Variants in NUMB observed in about 807,000 individuals in gnomAD.
The protein encoded by NUMB is protein numb homolog.
NUMB carries 29 observed loss-of-function variants against 59.7 expected under a neutral mutation model. The observed-to-expected ratio is 0.49, with a 90% CI of 0.36 to 0.66. NUMB has a LOEUF of 0.66. Ranked by LOEUF, NUMB falls within the 30% of genes least tolerant of loss-of-function variation. The probability of loss-of-function intolerance (pLI) is 0.00; values close to 1 mark genes in which losing one functional copy is unlikely to be tolerated. For missense variants in NUMB, 723 were observed against 822.0 expected (o/e 0.88, Z 1.47); for synonymous variants, 288 against 288.2 (o/e 1.00, Z 0.01).
intron 4 of NUMB, among the ~76,000 whole-genome samples, chr14:73,345,011 A>G (rs1892833733): frequency 6.6e-6 from 1 of 152,214 alleles, no homozygotes; most frequent in Non-Finnish European, 1.5e-5. Context: ...TACCCGAGGG[A>G]ATACAAATTG....
intron 1 of NUMB, among the ~76,000 whole-genome samples, chr14:73,452,065 C>A (rs951515515): frequency 1.7e-4 from 25 of 147,902 alleles, no homozygotes; most frequent in East Asian, 7.8e-4. Flanking sequence ...CTCTACCCCC[C>A]AAAAAAAAAA....
intron 1 of NUMB, among the ~76,000 whole-genome samples, chr14:73,419,273 G>A (rs1210176908): frequency 1.3e-5 from 2 of 152,224 alleles, no homozygotes; most frequent in Non-Finnish European, 2.9e-5. Context: ...CACTTTGGGA[G>A]GCCGAGGCGG....
At chr14:73,287,462 T>C in intron 8 of NUMB, 148 bp from the exon 9 acceptor site, 1 of 674,792 alleles carries the variant, frequency 1.5e-6, no homozygotes, top group South Asian at 2.0e-5. Flanking sequence ...CACTGCAACC[T>C]CTGCCTCCGG....
chr14:73,362,637 C>T (rs957950802), intron 3 of NUMB, among the ~76,000 whole-genome samples: 4 of 151,884 alleles, frequency 2.6e-5, no homozygotes, highest in Admixed American at 6.6e-5. Flanking sequence ...TTTTGCCACA[C>T]GTTACCCAAG....
intron 2 of NUMB, among the ~76,000 whole-genome samples, chr14:73,398,570 A>T (rs1286644911): frequency 6.6e-6 from 1 of 151,876 alleles, no homozygotes; most frequent in East Asian, 1.9e-4. Flanking sequence ...CAGCAAATAT[A>T]TATTATTTGG....
chr14:73,310,319 A>G (rs73306893), intron 6 of NUMB, among the ~76,000 whole-genome samples: 11,533 of 152,214 alleles, frequency 0.076, 1,056 homozygotes, highest in African/African-American at 0.21. Flanking sequence ...TCTTAAGATA[A>G]ATGTCCTACT....
intron 2 of NUMB, among the ~76,000 whole-genome samples, chr14:73,389,318 T>C (rs1156370054): frequency 6.8e-6 from 1 of 147,222 alleles, no homozygotes; most frequent in Non-Finnish European, 1.5e-5. Flanking sequence ...CTGGTCTCTG[T>C]TTTATACATA....
At chr14:73,431,941 C>T (rs1053857390) in intron 1 of NUMB, among the ~76,000 whole-genome samples, 1 of 151,942 alleles carries the variant, frequency 6.6e-6, no homozygotes, top group Admixed American at 6.6e-5. Flanking sequence ...GTACTACACC[C>T]TGCCCAAATT....
At chr14:73,419,083 G>C (rs1371368557) in intron 1 of NUMB, among the ~76,000 whole-genome samples, 1 of 151,938 alleles carries the variant, frequency 6.6e-6, no homozygotes, top group Non-Finnish European at 1.5e-5. Context: ...GATGACATAA[G>C]ATTAAAGTTA....
At chr14:73,370,452 G>A (rs1468500486) in intron 2 of NUMB, among the ~76,000 whole-genome samples, 3 of 152,198 alleles carry the variant, frequency 2.0e-5, no homozygotes, top group Admixed American at 6.5e-5. Flanking sequence ...AGCACTTTGG[G>A]AGGCCGAGGT....
chr14:73,334,387 T>C (rs1892173899), intron 4 of NUMB, among the ~76,000 whole-genome samples: 1 of 152,216 alleles, frequency 6.6e-6, no homozygotes, highest in East Asian at 1.9e-4. Context: ...TTGTTAATGC[T>C]ATAAAAGTAT....
At chr14:73,433,419 C>T (rs889626425) in intron 1 of NUMB, among the ~76,000 whole-genome samples, 1 of 152,016 alleles carries the variant, frequency 6.6e-6, no homozygotes, top group African/African-American at 2.4e-5. Context: ...CAGACTCCAT[C>T]TCAAAAAAAA....
At chr14:73,339,262 T>C (rs1892508051) in intron 4 of NUMB, among the ~76,000 whole-genome samples, 2 of 152,204 alleles carry the variant, frequency 1.3e-5, no homozygotes, top group Non-Finnish European at 2.9e-5. Context: ...AAAATGTAGG[T>C]GATAGGGCTG....
chr14:73,442,390 T>A (rs1293496683), intron 1 of NUMB, among the ~76,000 whole-genome samples: 2 of 151,158 alleles, frequency 1.3e-5, no homozygotes, highest in Non-Finnish European at 3.0e-5. Context: ...ATAATAATAA[T>A]AAATTGTTTA....
chr14:73,434,842 A>G (rs905376113), intron 1 of NUMB, among the ~76,000 whole-genome samples: 1 of 152,206 alleles, frequency 6.6e-6, no homozygotes, highest in South Asian at 2.1e-4. Flanking sequence ...ACTCCAAAAA[A>G]TCAACATGAA....
At chr14:73,303,251 A>G (rs554048502) in intron 6 of NUMB, among the ~76,000 whole-genome samples, 3 of 151,760 alleles carry the variant, frequency 2.0e-5, no homozygotes, top group South Asian at 4.2e-4. Context: ...AAAAGAATTT[A>G]CATACATCTT....
At chr14:73,432,023 G>GCATAATTTT (rs543281382) in intron 1 of NUMB, among the ~76,000 whole-genome samples, 114 of 151,912 alleles carry the variant, frequency 7.5e-4, no homozygotes, top group Non-Finnish European at 1.4e-3. Flanking sequence ...AAAAGTCCAG[G>GCATAATTTT]CATAATTTTA....
At chr14:73,400,316 G>A (rs1402079557) in intron 2 of NUMB, among the ~76,000 whole-genome samples, 1 of 152,176 alleles carries the variant, frequency 6.6e-6, no homozygotes, top group Non-Finnish European at 1.5e-5. Flanking sequence ...CTTTGGGGTA[G>A]TAAACCTATT....
In NUMB at chr14:73,347,262, T is replaced by C. The variant is rs150212890; in HGVS notation, c.126+8364A>G. ...TTGCTACTACTCTGCTTTTTGAAGA[T>C]AAACTTTTATTCAAAAAATTTTAAC... is the stretch of plus-strand genomic sequence containing the variant. On this transcript the variant is annotated intron_variant, in intron 4 of 12. Transcript: ENST00000555238. Among the ~76,000 whole-genome samples, 709 of 152,340 alleles carry C rather than the reference T, an allele frequency of 4.7e-3. 7 individuals are homozygous for C. The highest frequency in any genetic ancestry group is 0.016 in the African/African-American group (663 of 41,584).
Sources: gnomAD v4.1 joint callset for allele counts (sites outside exome capture counted in the v4.1 genomes callset) on GRCh38, gnomAD v4.1.1 for gene constraint, MANE v1.5 for transcripts, NCBI Gene and HGNC (gene_info 2026-07-23, HGNC 2026-07-21) for gene names.